MEIKIN: variants seen among roughly 807,000 people sequenced by gnomAD.
The protein encoded by MEIKIN is meiotic kinetochore factor.
chr5:131,944,190 A>G (rs1422444013), intron 3 of MEIKIN, among the ~76,000 whole-genome samples: 1 of 152,080 alleles, frequency 6.6e-6, no homozygotes, highest in Admixed American at 6.5e-5. Context: ...TTAAAATCTG[A>G]GCTTCCCTAA....
At position 131,834,775 on chromosome 5, in the gene MEIKIN, C is replaced by T. The variant is rs1038062751; in HGVS notation, c.976-15912G>A. On this transcript the variant is annotated intron_variant, in intron 11 of 12. Coordinates refer to ENST00000442687, the MANE Select transcript of MEIKIN (RefSeq NM_001303622.2). Reference sequence around the variant, plus strand: ...TATTGCTGCAATAAACACGGGAGTGCAGATATCTCTTTGAGATACCGATTT... The same window carrying T: ...TATTGCTGCAATAAACACGGGAGTGTAGATATCTCTTTGAGATACCGATTT... Among the ~76,000 whole-genome samples the T allele has an allele frequency of 2.0e-5, 3 of 152,142 alleles. 1 individual carries two copies. In the South Asian group the frequency reaches 6.2e-4, roughly 32 times the overall value.
At chr5:131,886,796 TATCTC>T (rs1750805436) in intron 8 of MEIKIN, among the ~76,000 whole-genome samples, 1 of 152,240 alleles carries the variant, frequency 6.6e-6, no homozygotes, top group South Asian at 2.1e-4. Context: ...AAACTACTCT[TATCTC>T]TTTATTTTTT....
At chr5:131,826,235 G>A (rs1317980951) in intron 11 of MEIKIN, among the ~76,000 whole-genome samples, 1 of 151,434 alleles carries the variant, frequency 6.6e-6, no homozygotes, top group African/African-American at 2.4e-5. Flanking sequence ...CCTAAATGGT[G>A]AATTTCAAAA....
intron 8 of MEIKIN, among the ~76,000 whole-genome samples, chr5:131,898,148 T>C (rs1282702216): frequency 6.6e-6 from 1 of 152,234 alleles, no homozygotes; most frequent in African/African-American, 2.4e-5. Flanking sequence ...GTTTTCCTTA[T>C]AACAGTCAGG....
At chr5:131,896,403 G>T (rs186331633) in intron 8 of MEIKIN, among the ~76,000 whole-genome samples, 1 of 152,292 alleles carries the variant, frequency 6.6e-6, no homozygotes, top group African/African-American at 2.4e-5. Flanking sequence ...TGTTAGGTCT[G>T]CTTGGTGCAG....
intron 7 of MEIKIN, 121 bp from the exon 8 acceptor site, chr5:131,912,000 T>C (rs960005051): frequency 5.2e-6 from 2 of 384,444 alleles, no homozygotes; most frequent in South Asian, 1.4e-4. Flanking sequence ...TGGGAAAATA[T>C]ACAGTTGCTT....
chr5:131,824,445 A>C (rs951263112), intron 11 of MEIKIN, among the ~76,000 whole-genome samples: 8 of 152,118 alleles, frequency 5.3e-5, no homozygotes, highest in African/African-American at 1.7e-4. Context: ...ACTTGAGCCC[A>C]AGAGTTGAAG....
intron 9 of MEIKIN, among the ~76,000 whole-genome samples, chr5:131,872,881 T>G (rs1286303641): frequency 1.3e-5 from 2 of 152,198 alleles, no homozygotes; most frequent in Admixed American, 6.5e-5. Context: ...ACCCAGCATT[T>G]CATATCCAGC....
chr5:131,867,842 G>A (rs1750413767), intron 9 of MEIKIN, among the ~76,000 whole-genome samples: 1 of 152,200 alleles, frequency 6.6e-6, no homozygotes, highest in Non-Finnish European at 1.5e-5. Flanking sequence ...ACGTTCAGGT[G>A]CATACTTTGT....
At chr5:131,893,484 T>A (rs991382973) in intron 8 of MEIKIN, among the ~76,000 whole-genome samples, 4 of 152,204 alleles carry the variant, frequency 2.6e-5, no homozygotes, top group African/African-American at 9.6e-5. Flanking sequence ...CCAGGTGCCA[T>A]CTGTCACCCC....
At chr5:131,840,136 T>C (rs767048885) in intron 11 of MEIKIN, among the ~76,000 whole-genome samples, 2 of 152,232 alleles carry the variant, frequency 1.3e-5, no homozygotes, top group Non-Finnish European at 1.5e-5. Context: ...TTTGGCCTGA[T>C]ATGAAATTCT....
chr5:131,850,410 C>T (rs1750092049), intron 11 of MEIKIN, among the ~76,000 whole-genome samples: 1 of 152,172 alleles, frequency 6.6e-6, no homozygotes, highest in Admixed American at 6.5e-5. Flanking sequence ...AGCTGGAGGA[C>T]TGACACTTCC....
intron 7 of MEIKIN, 107 bp from the exon 8 acceptor site, chr5:131,911,986 C>T (rs1195033617): frequency 2.6e-6 from 1 of 387,086 alleles, no homozygotes; most frequent in African/African-American, 2.1e-5. Context: ...GATTAATTAT[C>T]CTGTGGGAAA....
intron 8 of MEIKIN, among the ~76,000 whole-genome samples, chr5:131,907,994 C>A (rs926457203): frequency 6.6e-6 from 1 of 152,082 alleles, no homozygotes; most frequent in Non-Finnish European, 1.5e-5. Context: ...CTGTTGAATT[C>A]TACCAAATAT....
intron 8 of MEIKIN, among the ~76,000 whole-genome samples, chr5:131,909,389 G>T (rs1751297561): frequency 6.6e-6 from 1 of 152,086 alleles, no homozygotes; most frequent in Admixed American, 6.6e-5. Context: ...CTAGACCCTT[G>T]TCTGTTGCCA....
intron 11 of MEIKIN, among the ~76,000 whole-genome samples, chr5:131,848,831 T>C (rs1283155418): frequency 6.6e-6 from 1 of 152,146 alleles, no homozygotes; most frequent in African/African-American, 2.4e-5. Flanking sequence ...CACAACTAAA[T>C]GGGTTTTATT....
At chr5:131,853,081 A>G (rs763690619) in intron 10 of MEIKIN, among the ~76,000 whole-genome samples, 33 of 152,188 alleles carry the variant, frequency 2.2e-4, no homozygotes, top group Admixed American at 1.3e-3. Context: ...TTCCCCTAGG[A>G]ACCTGATAAG....
At chr5:131,920,930 C>T (rs1356733670) in intron 6 of MEIKIN, among the ~76,000 whole-genome samples, 1 of 151,862 alleles carries the variant, frequency 6.6e-6, no homozygotes, top group African/African-American at 2.4e-5. Flanking sequence ...TCAAACTCCT[C>T]GCCTCAAGCA....
At chr5:131,859,743 A>C (rs1750250888) in intron 9 of MEIKIN, among the ~76,000 whole-genome samples, 1 of 152,214 alleles carries the variant, frequency 6.6e-6, no homozygotes, top group African/African-American at 2.4e-5. Flanking sequence ...GGTGAGGAAT[A>C]GGGGTCTAGT....
Sources: allele counts gnomAD v4.1 joint callset (sites outside exome capture counted in the v4.1 genomes callset), GRCh38; gene constraint gnomAD v4.1.1; transcripts MANE v1.5; gene names NCBI Gene and HGNC (gene_info 2026-07-23, HGNC 2026-07-21).